NELL1: variants seen among roughly 807,000 people sequenced by gnomAD.
NELL1 encodes neural EGFL like 1, also known as protein kinase C-binding protein NELL1.
Under a neutral mutation model 107.4 loss-of-function variants are expected in NELL1, and 76 were observed. That is an observed-to-expected ratio of 0.71 (90% confidence interval 0.59 to 0.86). The LOEUF is 0.86. Among genes scored for constraint, NELL1 ranks in the 40% least tolerant of loss-of-function variants. The probability of loss-of-function intolerance (pLI) is 0.00; values close to 1 mark genes in which losing one functional copy is unlikely to be tolerated. For synonymous variants in NELL1, 353 were observed against 341.2 expected, an observed-to-expected ratio of 1.03 and a Z score of -0.38; for missense variants, 1,024 against 1,005.5, an observed-to-expected ratio of 1.02 and a Z score of -0.25.
At chr11:21,127,778 C>A (rs2133752313) in intron 13 of NELL1, among the ~76,000 whole-genome samples, 1 of 152,276 alleles carries the variant, frequency 6.6e-6, no homozygotes, top group Admixed American at 6.5e-5. Context: ...GATCAATATT[C>A]AATTTTTTCT....
intron 13 of NELL1, among the ~76,000 whole-genome samples, chr11:21,214,439 T>A (rs1228248863): frequency 6.6e-6 from 1 of 151,986 alleles, no homozygotes. Flanking sequence ...CGAGTGAAGA[T>A]ATACTCAACA....
At chr11:20,691,361 C>T (rs1854461166) in intron 2 of NELL1, among the ~76,000 whole-genome samples, 2 of 150,582 alleles carry the variant, frequency 1.3e-5, no homozygotes, top group Admixed American at 6.6e-5. Context: ...TGTCTTGTAC[C>T]AGTTTTCAAA....
intron 14 of NELL1, among the ~76,000 whole-genome samples, chr11:21,320,432 G>A (rs1205858412): frequency 1.3e-5 from 2 of 152,168 alleles, no homozygotes; most frequent in African/African-American, 2.4e-5. Context: ...GCTGCACTGA[G>A]ACAGTGATGA....
At chr11:20,901,800 T>G (rs545101969) in intron 5 of NELL1, among the ~76,000 whole-genome samples, 1 of 152,084 alleles carries the variant, frequency 6.6e-6, no homozygotes, top group Non-Finnish European at 1.5e-5. Context: ...TCGTCATGTG[T>G]GGAAACTTGG....
At chr11:20,755,117 G>T (rs1856231284) in intron 2 of NELL1, among the ~76,000 whole-genome samples, 1 of 152,156 alleles carries the variant, frequency 6.6e-6, no homozygotes, top group South Asian at 2.1e-4. Context: ...TGCAGGGGAG[G>T]GAAGAAGCTG....
chr11:21,479,729 G>T (rs1854441366), intron 15 of NELL1, among the ~76,000 whole-genome samples: 1 of 152,136 alleles, frequency 6.6e-6, no homozygotes, highest in South Asian at 2.1e-4. Flanking sequence ...TGCTTGGGGT[G>T]ATGAATATCC....
intron 12 of NELL1, among the ~76,000 whole-genome samples, chr11:21,078,822 A>C (rs1440475818): frequency 6.6e-6 from 1 of 152,112 alleles, no homozygotes; most frequent in Non-Finnish European, 1.5e-5. Flanking sequence ...AAATCACCAC[A>C]TCAGGTACAA....
In NELL1 at chr11:21,317,288, C is replaced by T. The variant is rs182664910; in HGVS notation, c.1550-53565C>T. Among the ~76,000 whole-genome samples, 9 of 151,816 alleles carry T rather than the reference C, an allele frequency of 5.9e-5. No homozygotes were observed. The East Asian group carries it at 1.8e-3, about 30-fold the overall frequency. On this transcript the variant is annotated intron_variant, in intron 14 of 19. Coordinates refer to ENST00000357134, the MANE Select transcript of NELL1 (RefSeq NM_006157.5). Reference sequence around the variant, plus strand: ...CTCTTACTGAAGTAAAGGACTGTTTCTAGGGTTTATTTCTCCTTCCACTTA... The same window carrying T: ...CTCTTACTGAAGTAAAGGACTGTTTTTAGGGTTTATTTCTCCTTCCACTTA...
chr11:21,330,569 G>C (rs1850250842), intron 14 of NELL1, among the ~76,000 whole-genome samples: 2 of 152,050 alleles, frequency 1.3e-5, no homozygotes, highest in African/African-American at 4.8e-5. Flanking sequence ...GGCCTCCACT[G>C]TTTCTGGTGA....
At chr11:21,113,807 T>A in intron 13 of NELL1, 93 bp downstream of exon 13, 1 of 1,293,380 alleles carries the variant, frequency 7.7e-7, no homozygotes, top group Non-Finnish European at 1.1e-6. Flanking sequence ...CACAAAGTAC[T>A]ATTTTTATCT....
chr11:21,145,068 A>G (rs774217128), intron 13 of NELL1, among the ~76,000 whole-genome samples: 11 of 152,192 alleles, frequency 7.2e-5, no homozygotes, highest in Admixed American at 7.2e-4. Flanking sequence ...GCACATGTAA[A>G]GCGCTTGGAA....
chr11:20,905,231 C>T (rs1430512832), intron 5 of NELL1, among the ~76,000 whole-genome samples: 1 of 151,978 alleles, frequency 6.6e-6, no homozygotes, highest in Non-Finnish European at 1.5e-5. Flanking sequence ...TTTGGTAAGC[C>T]ACTAAAGAAA....
chr11:21,376,946 G>A (rs1851495041), intron 15 of NELL1, among the ~76,000 whole-genome samples: 1 of 152,006 alleles, frequency 6.6e-6, no homozygotes, highest in Admixed American at 6.6e-5. Context: ...AAGCCTTTTG[G>A]TAGTCTTTAG....
chr11:21,409,955 G>A (rs1852335508), intron 15 of NELL1, among the ~76,000 whole-genome samples: 1 of 151,892 alleles, frequency 6.6e-6, no homozygotes, highest in Non-Finnish European at 1.5e-5. Context: ...ACAAAAATGA[G>A]TTTAAATTTT....
intron 14 of NELL1, among the ~76,000 whole-genome samples, chr11:21,364,750 T>C (rs770726379): frequency 6.6e-6 from 1 of 152,204 alleles, no homozygotes; most frequent in Admixed American, 6.5e-5. Flanking sequence ...CAAAAGTCTG[T>C]ATGCAGATAT....
At chr11:20,768,004 T>C (rs749514171) in intron 2 of NELL1, among the ~76,000 whole-genome samples, 3 of 152,116 alleles carry the variant, frequency 2.0e-5, no homozygotes, top group African/African-American at 4.8e-5. Context: ...TGACTTTACA[T>C]TGGGGAAGGC....
chr11:21,224,618 A>C (rs1196644242), intron 13 of NELL1, among the ~76,000 whole-genome samples: 1 of 152,126 alleles, frequency 6.6e-6, no homozygotes, highest in Non-Finnish European at 1.5e-5. Flanking sequence ...ATGGTGGCCC[A>C]TATGTCCTTT....
At chr11:20,989,501 T>C (rs141372179) in intron 12 of NELL1, among the ~76,000 whole-genome samples, 102 of 152,326 alleles carry the variant, frequency 6.7e-4, no homozygotes, top group Non-Finnish European at 1.3e-3. Context: ...CTTCTTGACT[T>C]TGATTTTCTT....
At chr11:21,368,355 GT>G (rs139485232) in intron 14 of NELL1, among the ~76,000 whole-genome samples, 2,935 of 118,864 alleles carry the variant, frequency 0.025, 96 homozygotes, top group African/African-American at 0.092. Flanking sequence ...TTAGGCATTG[GT>G]TTTTTTTTTT....
Sources: allele counts gnomAD v4.1 joint callset (sites outside exome capture counted in the v4.1 genomes callset), GRCh38; gene constraint gnomAD v4.1.1; transcripts MANE v1.5; gene names NCBI Gene and HGNC (gene_info 2026-07-23, HGNC 2026-07-21).